The following AWAT2 variants were observed in gnomAD, a reference collection of about 807,000 sequenced individuals.
The protein encoded by AWAT2 is acyl-CoA wax alcohol acyltransferase 2, also known as 11-cis-RE-synthase.
In AWAT2, 9 loss-of-function variants were observed where a neutral mutation model predicts 22.3. That is an observed-to-expected ratio of 0.40 (90% confidence interval 0.24 to 0.70). AWAT2 has a LOEUF of 0.70. AWAT2 is among the 30% of genes least tolerant of loss of function. AWAT2 has a pLI of 0.36. For missense variants in AWAT2, 217 were observed against 265.9 expected, an observed-to-expected ratio of 0.82 and a Z score of 1.28; for synonymous variants, 100 against 93.4, an observed-to-expected ratio of 1.07 and a Z score of -0.40.
chrX:70,043,784 G>C (rs2020345864), intron 3 of AWAT2, 102 bp from the exon 4 acceptor site: 3 of 997,367 alleles, frequency 3.0e-6, no homozygotes, highest in Non-Finnish European at 4.1e-6. Flanking sequence ...TAGCCATGCA[G>C]GTTGCCCAAT....
At chrX:70,046,989 C>A (rs1175842997) in intron 1 of AWAT2, among the ~76,000 whole-genome samples, 1 of 96,859 alleles carries the variant, frequency 1.0e-5, no homozygotes, top group African/African-American at 3.5e-5. Context: ...AAATATTACA[C>A]TAAAAAATAA....
Position 70,044,490 on chromosome X carries a change from G to A in AWAT2, c.86-28C>T, listed in dbSNP as rs368039192. The A allele has an allele frequency of 4.0e-5, 48 of 1,200,461 alleles. No homozygotes were observed. The East Asian group carries it at 1.2e-3, about 30-fold the overall frequency. ...GCAGGAAGCCCAGACCAGAGTTAATGAATTTCAAGCAGTCCCTCACACTTA... is the reference window on the plus strand; with the variant it reads ...GCAGGAAGCCCAGACCAGAGTTAATAAATTTCAAGCAGTCCCTCACACTTA... On this transcript the variant is annotated intron_variant, in intron 1 of 7. Coordinates refer to ENST00000276101, the MANE Select transcript of AWAT2 (RefSeq NM_001002254.1).
At chrX:70,049,145 G>A (rs1411879060) in intron 1 of AWAT2, among the ~76,000 whole-genome samples, 1 of 111,884 alleles carries the variant, frequency 8.9e-6, no homozygotes, top group African/African-American at 3.3e-5. Flanking sequence ...GCGTGCCTCT[G>A]TGCCAGCTCT....
chrX:70,049,921 G>C lies in AWAT2; in HGVS notation c.12C>G (p.Pro4=), dbSNP rs746720042. The part of the protein sequence containing the change: MLL[P]SKKDLKTALD... ...GGGCAGTCTTGAGGTCCTTCTTAGA[G>C]GGCAAGAGCATTGTGCCCAGCGTCC... The change falls in exon 1 of 8, where the codon CCC becomes CCG. Residue 4 remains proline, a synonymous_variant. Transcript: ENST00000276101. The C allele has an allele frequency of 5.0e-6, 6 of 1,211,453 alleles. No individual in the cohort carries two copies. In the South Asian group the frequency reaches 1.1e-4, roughly 21 times the overall value.
At position 70,044,102 on chromosome X, in the gene AWAT2, G is replaced by C. The variant is rs745600922; in HGVS notation, c.197-106C>G. On this transcript the variant is annotated intron_variant, in intron 2 of 7. Transcript: ENST00000276101. ...TCCTGGCCTCTTAAGTGGCAACCAA[G>C]GTGGGCATATCAGGGCAATTTAGGA... 1.5e-5 allele frequency: 14 copies of C among 964,241 alleles called. No individual in the cohort carries two copies. The Admixed American group carries it at 2.0e-4, about 14-fold the overall frequency. The allele number at this position is 964,241 out of a possible 1,213,427, so 79.5% of individuals were successfully genotyped here.
Position 70,043,637 on chromosome X carries a change from C to A in AWAT2, c.313G>T (p.Val105Phe). 16 of 1,210,206 alleles carry A rather than the reference C, an allele frequency of 1.3e-5. No homozygotes were observed. Among genetic ancestry groups the A allele is most frequent in the Non-Finnish European group, 1.8e-5 (16 of 894,925 alleles). Reference sequence around the variant, plus strand: ...GCAAAGAGCCCATGAGGGTGGCAGACGAGGATGTAGTTGCGGCTGGGGCAG... The same window carrying A: ...GCAAAGAGCCCATGAGGGTGGCAGAAGAGGATGTAGTTGCGGCTGGGGCAG... The part of the protein sequence containing the change: ...DICPSRNYIL[V>F]CHPHGLFAHG... Residue 105 changes from valine (V) to phenylalanine (F), a missense_variant, in exon 4 of 8, where the codon GTC (valine) becomes TTC (phenylalanine). Val to Phe is a conservative substitution (Grantham distance 50, BLOSUM62 -1). Coordinates refer to ENST00000276101, the MANE Select transcript of AWAT2 (RefSeq NM_001002254.1).
At position 70,042,268 on chromosome X, in the gene AWAT2, A is replaced by G; in HGVS notation, c.766T>C (p.Tyr256His). Reference sequence around the variant, plus strand: ...CCACGTCCATAGAAAGCACAAGGGTAGATGTGTACCATGCTCTGGAACCAC... The same window carrying G: ...CCACGTCCATAGAAAGCACAAGGGTGGATGTGTACCATGCTCTGGAACCAC... ...QKWFQSMVHI[Y>H]PCAFYGRGFT... is the part of the protein sequence containing the mutation. Residue 256 changes from tyrosine to histidine, a missense_variant, in exon 6 of 8, where the codon TAC becomes CAC. Coordinates refer to ENST00000276101, the MANE Select transcript of AWAT2 (RefSeq NM_001002254.1). 1 of 1,211,598 alleles carries G rather than the reference A, an allele frequency of 8.3e-7. No individual in the cohort carries two copies. The highest frequency in any genetic ancestry group is 1.1e-6 in the Non-Finnish European group (1 of 895,145).
At position 70,043,090 on chromosome X, in the gene AWAT2, A is replaced by T; in HGVS notation, c.626T>A (p.Val209Glu). 8.4e-7 allele frequency: 1 copy of T among 1,193,649 alleles called. No homozygotes were observed. Among genetic ancestry groups the T allele is most frequent in the Non-Finnish European group, 1.1e-6 (1 of 886,312 alleles). The change falls in exon 5 of 8, where the codon GTG becomes GAG. Residue 209 changes from valine to glutamate, a missense_variant. By Grantham distance (121) the Val-to-Glu change is moderately radical. Transcript: ENST00000276101. ...TLVLKNRSGF[V>E]RMALQHGVPL... is the part of the protein sequence containing the mutation. ...TTACCCATGCTGAAGGGCCATGCGCACAAAGCCAGACCGGTTCTTCAACAC... is the reference window on the plus strand; with the variant it reads ...TTACCCATGCTGAAGGGCCATGCGCTCAAAGCCAGACCGGTTCTTCAACAC...
At chrX:70,043,848 C>T in intron 3 of AWAT2, 78 bp downstream of exon 3, 1 of 1,078,938 alleles carries the variant, frequency 9.3e-7, no homozygotes, top group Non-Finnish European at 1.3e-6. Context: ...TGGCGCCCTC[C>T]ACCCCTAGCC....
chrX:70,043,653 G>A lies in AWAT2; in HGVS notation c.297C>T (p.Ser99=), dbSNP rs2020344822. ...KLLKTHDICP[S]RNYILVCHPH... ...GGTGGCAGACGAGGATGTAGTTGCG[G>A]CTGGGGCAGATGTCATGAGTCTTCA... Residue 99 remains serine, a synonymous_variant, in exon 4 of 8, where the codon AGC becomes AGT. Coordinates refer to ENST00000276101, the MANE Select transcript of AWAT2 (RefSeq NM_001002254.1). 1 of 1,207,687 alleles carries A rather than the reference G, an allele frequency of 8.3e-7. No individual in the cohort carries two copies. The highest frequency in any genetic ancestry group is 1.7e-5 in the African/African-American group (1 of 57,271).
chrX:70,048,957 C>T (rs2020380793), intron 1 of AWAT2, among the ~76,000 whole-genome samples: 1 of 112,148 alleles, frequency 8.9e-6, no homozygotes, highest in Non-Finnish European at 1.9e-5. Flanking sequence ...TTTATCAGCA[C>T]GGCATACCTA....
rs1398952260 is a variant in AWAT2 at position 70,046,473 on chromosome X, C to T, written c.86-2011G>A. 2.8e-5 allele frequency among the ~76,000 whole-genome samples: 3 copies of T among 107,347 alleles called. 1 individual carries two copies. The South Asian group carries it at 1.3e-3, about 45-fold the overall frequency. The allele number at this position is 107,347 out of a possible 115,157, so 93.2% of individuals were successfully genotyped here. On this transcript the variant is annotated intron_variant, in intron 1 of 7. Transcript: ENST00000276101. Reference sequence around the variant, plus strand: ...AGGTTGGAGTGCAGTGCCATGATCTCAGCTCACTGCAACTTCCGCCTCCCG... The same window carrying T: ...AGGTTGGAGTGCAGTGCCATGATCTTAGCTCACTGCAACTTCCGCCTCCCG...
intron 5 of AWAT2, 76 bp downstream of exon 5, chrX:70,042,993 A>C: frequency 2.1e-6 from 2 of 936,080 alleles, no homozygotes; most frequent in Non-Finnish European, 2.8e-6. Flanking sequence ...ATGTCCTTTC[A>C]TCAAAACCCC....
At chrX:70,042,785 A>G (rs957265235) in intron 5 of AWAT2, 1 of 395,523 alleles carries the variant, frequency 2.5e-6, no homozygotes, top group Non-Finnish European at 4.3e-6. Context: ...GAACAGGCTC[A>G]GGGCTGGCCC....
chrX:70,043,200 A>G lies in AWAT2; in HGVS notation c.516T>C (p.Thr172=). The G allele has an allele frequency of 8.3e-7, 1 of 1,207,380 alleles. No homozygotes were observed. Among genetic ancestry groups the G allele is most frequent in the Non-Finnish European group, 1.1e-6 (1 of 893,462 alleles). Residue 172 remains threonine (T), a synonymous_variant, in exon 5 of 8, where the codon ACT becomes ACC. Transcript: ENST00000276101. Reference sequence around the variant, plus strand: ...TGACCATGTTGCCTGTGCCTTTATGAGTCAGCAGAAAGTCAATGGAGGATC... The same window carrying G: ...TGACCATGTTGCCTGTGCCTTTATGGGTCAGCAGAAAGTCAATGGAGGATC... ...VSRSSIDFLL[T]HKGTGNMVIV...
rs2020327087 is a variant in AWAT2, at chrX:70,041,503, T to G, written c.*155A>C. 1 of 234,958 alleles carries G rather than the reference T, an allele frequency of 4.3e-6. No homozygotes were observed. The highest frequency in any genetic ancestry group is 2.9e-5 in the African/African-American group (1 of 34,867). The allele number at this position is 234,958 out of a possible 1,213,427, so 19.4% of individuals were successfully genotyped here. On this transcript the variant is annotated 3_prime_UTR_variant, in exon 8 of 8. Transcript: ENST00000276101. Reference sequence around the variant, plus strand: ...AGTTATCAGAAGATGGGCTTTTTATTTTGTCCATTGTTTTCCTCAATGCTG... The same window carrying G: ...AGTTATCAGAAGATGGGCTTTTTATGTTGTCCATTGTTTTCCTCAATGCTG...
chrX:70,044,660 G>A (rs889109545), intron 1 of AWAT2, among the ~76,000 whole-genome samples, 198 bp from the exon 2 acceptor site: 8 of 112,238 alleles, frequency 7.1e-5, no homozygotes, highest in African/African-American at 2.6e-4. Context: ...TTGGGAACCC[G>A]ATTCAGGTCT....
Position 70,041,883 on chromosome X carries a change from A to G in AWAT2, c.927T>C (p.Asp309=), listed in dbSNP as rs1178439844. The part of the protein sequence containing the change: ...IVAKYHTLYI[D]ALRKLFDQHK... ...GCTGGTCAAACAGTTTACGTAGGGC[A>G]TCAATATAGAGTGTGTGATATTTAG... is the stretch of plus-strand genomic sequence containing the variant. The change falls in exon 7 of 8, where the codon GAT becomes GAC. Residue 309 remains aspartate, a synonymous_variant. Coordinates refer to ENST00000276101, the MANE Select transcript of AWAT2 (RefSeq NM_001002254.1). 8.3e-7 allele frequency: 1 copy of G among 1,210,288 alleles called. No individual in the cohort carries two copies. The highest frequency in any genetic ancestry group is 3.0e-5 in the East Asian group (1 of 33,814).
intron 5 of AWAT2, 97 bp from the exon 6 acceptor site, chrX:70,042,483 A>G (rs2020334606): frequency 7.0e-6 from 6 of 855,331 alleles, no homozygotes; most frequent in Non-Finnish European, 1.0e-5. Context: ...GTCTGCCTAC[A>G]GGCTTCTCAG....
Sources: allele counts gnomAD v4.1 joint callset (sites outside exome capture counted in the v4.1 genomes callset), GRCh38; gene constraint gnomAD v4.1.1; transcripts MANE v1.5; gene names NCBI Gene and HGNC (gene_info 2026-07-23, HGNC 2026-07-21).